Variants in ODR4 observed in about 807,000 individuals in gnomAD.
The protein encoded by ODR4 is odr-4 GPCR localization factor homolog, also known as protein odr-4 homolog.
In ODR4, 47 loss-of-function variants were observed where a neutral mutation model predicts 60.2. The observed-to-expected ratio is 0.78, with a 90% CI of 0.62 to 1.00. The LOEUF (loss-of-function observed/expected upper bound fraction) is 1.00. ODR4 is among the 50% of genes least tolerant of loss of function. ODR4 has a pLI of 0.00. For synonymous variants in ODR4, 178 were observed against 175.5 expected (o/e 1.01, Z -0.11); for missense variants, 488 against 530.8 (o/e 0.92, Z 0.79).
intron 8 of ODR4, 43 bp downstream of exon 8, chr1:186,391,834 A>G: frequency 8.3e-7 from 1 of 1,210,982 alleles, no homozygotes; most frequent in Non-Finnish European, 1.2e-6. Flanking sequence ...TTAGTGCTTA[A>G]GGAAAAATAA....
At chr1:186,412,911 ATTAATG>A (rs1470132603) in intron 12 of ODR4, among the ~76,000 whole-genome samples, 3 of 152,124 alleles carry the variant, frequency 2.0e-5, no homozygotes, top group South Asian at 2.1e-4. Flanking sequence ...AATGAAAAAT[ATTAATG>A]TTAAAGTATG....
chr1:186,412,285 A>G (rs1431969272), intron 12 of ODR4, among the ~76,000 whole-genome samples: 1 of 152,182 alleles, frequency 6.6e-6, no homozygotes, highest in Non-Finnish European at 1.5e-5. Context: ...TAATAATTCT[A>G]TAACAAGAAT....
chr1:186,412,778 G>A (rs2102086457), intron 12 of ODR4, among the ~76,000 whole-genome samples: 1 of 152,136 alleles, frequency 6.6e-6, no homozygotes, highest in South Asian at 2.1e-4. Context: ...AGATTCTCTT[G>A]GGGTTGATGT....
chr1:186,415,854 A>G lies in ODR4; in HGVS notation c.1187-1690A>G, dbSNP rs192597751. ...AAAGAGAACTTGTGTCCAAATCATC[A>G]GTCAAATGCCTGTGATGGTCGAAAT... On this transcript the variant is annotated intron_variant, in intron 12 of 13. Transcript: ENST00000287859. Among the ~76,000 whole-genome samples, 8 of 152,360 alleles carry G rather than the reference A, an allele frequency of 5.3e-5. No individual in the cohort carries two copies. The East Asian group carries it at 1.5e-3, about 29-fold the overall frequency.
intron 9 of ODR4, among the ~76,000 whole-genome samples, chr1:186,394,814 C>A (rs1193636243): frequency 6.6e-6 from 1 of 152,262 alleles, no homozygotes; most frequent in East Asian, 1.9e-4. Flanking sequence ...GGGCCTATGC[C>A]ACTCAATGTG....
rs76602544 is a variant in ODR4 at position 186,398,960 on chromosome 1, A to C, written c.916A>C (p.Lys306Gln). 0.021 allele frequency: 33,086 copies of C among 1,608,224 alleles called. 428 individuals carry two copies. The highest frequency in any genetic ancestry group is 0.025 in the Non-Finnish European group (29,133 of 1,176,894). Residue 306 changes from lysine (K) to glutamine (Q), a missense_variant, in exon 11 of 14, where the codon AAG becomes CAG. Coordinates refer to ENST00000287859, the MANE Select transcript of ODR4 (RefSeq NM_017847.6). ...PKVKDAVQAV[K>Q]RDILNTVADR... ...TGTGTGTTTTTCCCTGTAGGCAGTA[A>C]AGAGGGATATATTGAACACAGTTGC...
chr1:186,377,660 A>C (rs758285568), intron 1 of ODR4, among the ~76,000 whole-genome samples: 1 of 152,222 alleles, frequency 6.6e-6, no homozygotes, highest in East Asian at 1.9e-4. Context: ...CCTTAACTTC[A>C]CAGAGGCAAC....
intron 8 of ODR4, 104 bp from the exon 9 acceptor site, chr1:186,393,843 T>C: frequency 1.5e-6 from 1 of 650,916 alleles, no homozygotes; most frequent in Admixed American, 3.2e-5. Flanking sequence ...ATTAAAAGAC[T>C]TGTTTTTTTC....
At chr1:186,423,101 A>G (rs1661822144), downstream of ODR4, among the ~76,000 whole-genome samples, 2 of 152,214 alleles carry the variant, frequency 1.3e-5, no homozygotes, top group South Asian at 2.1e-4. Context: ...AAAGCTGAAT[A>G]TACTTATTCA....
chr1:186,431,509 G>A, the ODR4 span, among the ~76,000 whole-genome samples: 57 of 152,206 alleles, frequency 3.7e-4, 1 homozygote, highest in East Asian at 9.6e-3. Context: ...TTTAATGATG[G>A]CCACAAAACT....
intron 3 of ODR4, among the ~76,000 whole-genome samples, chr1:186,385,315 T>TA (rs1168721785): frequency 6.8e-6 from 1 of 146,260 alleles, no homozygotes; most frequent in East Asian, 2.0e-4. Context: ...AGTATGCTGC[T>TA]AAAAATAGGG....
At chr1:186,411,759 A>G (rs1661389874) in intron 12 of ODR4, 1 of 455,702 alleles carries the variant, frequency 2.2e-6, no homozygotes, top group Non-Finnish European at 2.9e-6. Context: ...TATGTTTCAC[A>G]CTGTATTTAA....
intron 11 of ODR4, among the ~76,000 whole-genome samples, chr1:186,402,282 C>G (rs1661009462): frequency 6.8e-6 from 1 of 147,004 alleles, no homozygotes; most frequent in Non-Finnish European, 1.5e-5. Flanking sequence ...TTCCTTTCTT[C>G]CTTTGTTTCT....
At chr1:186,402,893 T>A (rs937387489) in intron 11 of ODR4, among the ~76,000 whole-genome samples, 2 of 152,172 alleles carry the variant, frequency 1.3e-5, no homozygotes, top group Non-Finnish European at 2.9e-5. Context: ...CATTTTCTTA[T>A]ATATAAAATA....
Position 186,388,535 on chromosome 1 carries a change from G to T in ODR4, c.424G>T (p.Ala142Ser), listed in dbSNP as rs2102030672. The stretch of plus-strand genomic sequence containing the variant: ...AGAACGAGTGACACTTCACATTTGT[G>T]CTTCTACAAAAAAGTATCTTTTGTT... ...VSERVTLHIC[A>S]STKKIFCRTY... The change falls in exon 5 of 14, where the codon GCT (alanine) becomes TCT (serine). Residue 142 changes from alanine (A) to serine (S), a missense_variant. Ala to Ser is a moderately conservative substitution (Grantham distance 99, BLOSUM62 1). Transcript: ENST00000287859. The T allele has an allele frequency of 1.3e-6, 2 of 1,536,378 alleles. No homozygotes were observed. The highest frequency in any genetic ancestry group is 4.8e-5 in the East Asian group (2 of 41,406).
intron 2 of ODR4, 58 bp from the exon 3 acceptor site, chr1:186,382,964 C>CT: frequency 2.6e-6 from 4 of 1,517,138 alleles, no homozygotes; most frequent in Non-Finnish European, 3.5e-6. Flanking sequence ...AGGTATCACT[C>CT]TAATTAGATT....
chr1:186,404,047 TAA>T (rs747937112), intron 11 of ODR4, among the ~76,000 whole-genome samples: 28 of 152,326 alleles, frequency 1.8e-4, no homozygotes, highest in South Asian at 1.0e-3. Flanking sequence ...GAAAAATACA[TAA>T]ATAACTTAAA....
chr1:186,389,653 C>T lies in ODR4; in HGVS notation c.474+29C>T. ...AGAAATTTACTCTTTAAAGATTTTT[C>T]TGTGTCACAAAGTATTTTCAATCAA... On this transcript the variant is annotated intron_variant, in intron 6 of 13. Coordinates refer to ENST00000287859, the MANE Select transcript of ODR4 (RefSeq NM_017847.6). 2.8e-6 allele frequency: 4 copies of T among 1,419,542 alleles called. No individual in the cohort carries two copies. The East Asian group carries it at 9.7e-5, about 34-fold the overall frequency. 87.9% of individuals were successfully genotyped at this position (1,419,542 alleles called of 1,614,324 possible).
At chr1:186,430,398 TGAG>T in the ODR4 span, among the ~76,000 whole-genome samples, 1 of 152,094 alleles carries the variant, frequency 6.6e-6, no homozygotes, top group Non-Finnish European at 1.5e-5. Flanking sequence ...CTCAATTTGT[TGAG>T]GAGATTTTTT....
Sources: allele counts gnomAD v4.1 joint callset (sites outside exome capture counted in the v4.1 genomes callset), GRCh38; gene constraint gnomAD v4.1.1; transcripts MANE v1.5; gene names NCBI Gene and HGNC (gene_info 2026-07-23, HGNC 2026-07-21).